Variants in ADGRD2 observed in about 807,000 individuals in gnomAD.
ADGRD2 encodes the protein G protein-coupled receptor PGR24.
A neutral mutation model predicts 44.4 loss-of-function variants in ADGRD2; 71 were observed. The ratio of observed to expected loss-of-function variants is 1.60; its 90% CI spans 1.32 to 1.95. ADGRD2 has a LOEUF of 1.95. Ranked by LOEUF, ADGRD2 falls within the 30% of genes most tolerant of loss-of-function variation. The pLI, the probability that ADGRD2 is intolerant of heterozygous loss-of-function variation, is 0.00. For synonymous variants in ADGRD2, 481 were observed against 224.8 expected (o/e 2.14, Z -10.19); for missense variants, 1,039 against 512.4 (o/e 2.03, Z -9.92).
In ADGRD2 at chr9:124,475,478, C is replaced by A; in HGVS notation, c.2793C>A (p.Cys931Ter). 1 of 714,038 alleles carries A rather than the reference C, an allele frequency of 1.4e-6. No individual in the cohort carries two copies. Among genetic ancestry groups the A allele is most frequent in the South Asian group, 1.5e-5 (1 of 66,986 alleles). The allele number at this position is 714,038 out of a possible 1,614,324, so 44.2% of individuals were successfully genotyped here. ...ACATCTTCCTGGTTTATGCTGCCTG[C>A]AATGAGGAGGTGAGTCTGGGGGTGC... Residue 931 changes from cysteine to a stop codon, truncating the protein, a stop_gained, in exon 18 of 22, where the codon TGC becomes TGA. Transcript: ENST00000334810. LOFTEE classifies it high-confidence loss of function.
intron 8 of ADGRD2, 67 bp downstream of exon 11, chr9:124,457,673 C>A: frequency 1.8e-6 from 1 of 547,608 alleles, no homozygotes; most frequent in South Asian, 2.7e-5. Flanking sequence ...CTCTAACTGT[C>A]GCTAGCTGTG....
At position 124,469,156 on chromosome 9, in the gene ADGRD2, G is replaced by A. The variant is rs1831891451; in HGVS notation, c.2388-66G>A. ...GGGGACAGCTGCGGCTTGGGGGGCGGATCCTGGGTCCTGGAGAGGAAAAAG... is the reference window on the plus strand; with the variant it reads ...GGGGACAGCTGCGGCTTGGGGGGCGAATCCTGGGTCCTGGAGAGGAAAAAG... On this transcript the variant is annotated intron_variant, in intron 14 of 21. Transcript: ENST00000334810. The A allele has an allele frequency of 1.1e-5, 7 of 660,620 alleles. No homozygotes were observed. The South Asian group carries it at 1.2e-4, about 11-fold the overall frequency. 40.9% of individuals were successfully genotyped at this position (660,620 alleles called of 1,614,324 possible). A position where few individuals can be genotyped will look rare whatever the true frequency, so the allele number is the denominator to read the frequency against.
chr9:124,453,776 T>C (rs918015150), intron 3 of ADGRD2, 100 bp downstream of exon 6: 19 of 620,164 alleles, frequency 3.1e-5, no homozygotes, highest in Non-Finnish European at 5.4e-5. Flanking sequence ...CACGCCTAGC[T>C]CTGGCCACGC....
At position 124,461,146 on chromosome 9, in the gene ADGRD2, T is replaced by C. The variant is rs531775588; in HGVS notation, c.1870+2425T>C. On this transcript the variant is annotated intron_variant, in intron 10 of 21. Transcript: ENST00000334810. ...AATCTTTTCCCCAATTTTTAAATTA[T>C]TTATTTTATTATTGAGTTGTAAGAA... is the stretch of plus-strand genomic sequence containing the variant. 2.6e-5 allele frequency among the ~76,000 whole-genome samples: 4 copies of C among 152,360 alleles called. No individual in the cohort carries two copies. The South Asian group carries it at 6.2e-4, about 24-fold the overall frequency.
At chr9:124,458,368 A>G in intron 9 of ADGRD2, 132 bp downstream of exon 12, 1 of 630,364 alleles carries the variant, frequency 1.6e-6, no homozygotes, top group Non-Finnish European at 2.9e-6. Flanking sequence ...TGCCCAACAC[A>G]CACACACTTC....
exon 3 of ADGRD2, chr9:124,453,503 G>T: frequency 1.4e-6 from 1 of 701,940 alleles, no homozygotes. Context: ...CACGCCCTCA[G>T]CGGCAACCTC....
chr9:124,477,007 T>C (rs1200851860), intron 21 of ADGRD2: 2 of 649,450 alleles, frequency 3.1e-6, no homozygotes, highest in Non-Finnish European at 5.9e-6. Flanking sequence ...AGGGGGGCGC[T>C]GCCAAGGAGC....
intron 20 of ADGRD2, 31 bp from the exon 24 acceptor site, chr9:124,476,648 G>A: frequency 2.9e-6 from 2 of 698,954 alleles, no homozygotes; most frequent in Non-Finnish European, 5.2e-6. Flanking sequence ...AGGAGTGGGG[G>A]CCACCCCCGT....
intron 17 of ADGRD2, among the ~76,000 whole-genome samples, chr9:124,475,150 A>G (rs1443697753): frequency 1.3e-5 from 2 of 152,206 alleles, no homozygotes; most frequent in Non-Finnish European, 2.9e-5. Flanking sequence ...TGAGGATGGG[A>G]CAGGCCCAGC....
At chr9:124,473,101 GTCTC>G (rs763821761) in intron 17 of ADGRD2, among the ~76,000 whole-genome samples, 5 of 152,116 alleles carry the variant, frequency 3.3e-5, no homozygotes, top group Non-Finnish European at 5.9e-5. Flanking sequence ...GTCCACCAAG[GTCTC>G]TCTGTGTTTT....
chr9:124,475,647 C>T (rs1467377545), intron 19 of ADGRD2, 32 bp downstream of exon 22: 6 of 416,822 alleles, frequency 1.4e-5, no homozygotes, highest in Non-Finnish European at 2.3e-5. Context: ...TGGGTGGGGG[C>T]GGGAGGCCCC....
chr9:124,464,985 A>T (rs895959532), intron 10 of ADGRD2, among the ~76,000 whole-genome samples: 2 of 152,172 alleles, frequency 1.3e-5, no homozygotes, highest in Non-Finnish European at 2.9e-5. Flanking sequence ...TGTCCCAAGG[A>T]GAGGAGAGGC....
At chr9:124,459,622 A>T (rs1456212048) in intron 10 of ADGRD2, among the ~76,000 whole-genome samples, 1 of 152,176 alleles carries the variant, frequency 6.6e-6, no homozygotes. Context: ...GAACATCTAT[A>T]GACTTTTATT....
rs1399340163 is a variant in ADGRD2, at chr9:124,453,059, T to C, written c.308T>C (p.Val103Ala). The C allele has an allele frequency of 1.9e-5, 13 of 676,356 alleles. No individual in the cohort carries two copies. In the South Asian group the frequency reaches 2.1e-4, roughly 11 times the overall value. 41.9% of individuals were successfully genotyped at this position (676,356 alleles called of 1,614,324 possible). A position where few individuals can be genotyped will look rare whatever the true frequency, so the allele number is the denominator to read the frequency against. Residue 103 changes from valine to alanine, a missense_variant, in exon 3 of 22, where the codon GTG (valine) becomes GCG (alanine). Physicochemically the swap from Val to Ala is moderately conservative, Grantham distance 64. Coordinates refer to ENST00000334810, the Ensembl canonical transcript of ADGRD2. ...GGTGCGCGCACCACCGCCGTGCTGGTGTTCGACGAGAGGACGGCTGACCGG... is the reference window on the plus strand; with the variant it reads ...GGTGCGCGCACCACCGCCGTGCTGGCGTTCGACGAGAGGACGGCTGACCGG...
intron 13 of ADGRD2, 31 bp downstream of exon 16, chr9:124,468,221 G>C (rs1476128905): frequency 1.4e-6 from 1 of 717,796 alleles, no homozygotes; most frequent in Admixed American, 2.0e-5. Flanking sequence ...CTGGAAGCCC[G>C]GGGAAGCCTG....
chr9:124,453,588 A>C (rs1473700594), exon 3 of ADGRD2: 3 of 700,254 alleles, frequency 4.3e-6, no homozygotes, highest in Non-Finnish European at 7.8e-6. Flanking sequence ...CGCCGCCCTC[A>C]GAGGGCCTGC....
At chr9:124,455,590 A>T (rs1398505952) in intron 6 of ADGRD2, among the ~76,000 whole-genome samples, 1 of 26,898 alleles carries the variant, frequency 3.7e-5, no homozygotes, top group Non-Finnish European at 9.1e-5. Flanking sequence ...ACTCTGTCTC[A>T]AAAAAAAAAA....
intron 1 of ADGRD2, 26 bp from the exon 5 acceptor site, chr9:124,452,484 C>T (rs765848382): frequency 2.8e-5 from 20 of 718,210 alleles, no homozygotes; most frequent in South Asian, 1.0e-4. Flanking sequence ...AAATGCACCC[C>T]CCACCGTCTC....
At position 124,458,608 on chromosome 9, in the gene ADGRD2, T is replaced by C. The variant is rs1399376556; in HGVS notation, c.1765-8T>C. ...AGCCACCCTTGAAAGCTCCCATTCTTCCCACAGGTTCCTAAGCACCCAGGT... is the reference window on the plus strand; with the variant it reads ...AGCCACCCTTGAAAGCTCCCATTCTCCCCACAGGTTCCTAAGCACCCAGGT... On this transcript the variant is annotated splice_polypyrimidine_tract_variant and splice_region_variant and intron_variant, in intron 9 of 21. Coordinates refer to ENST00000334810, the Ensembl canonical transcript of ADGRD2. 2.8e-6 allele frequency: 2 copies of C among 718,404 alleles called. No individual in the cohort carries two copies. Among genetic ancestry groups the C allele is most frequent in the Non-Finnish European group, 5.2e-6 (2 of 384,894 alleles). 44.5% of individuals were successfully genotyped at this position (718,404 alleles called of 1,614,324 possible).
Sources: gnomAD v4.1 joint callset for allele counts (sites outside exome capture counted in the v4.1 genomes callset) on GRCh38, gnomAD v4.1.1 for gene constraint, MANE v1.5 for transcripts, NCBI Gene and HGNC (gene_info 2026-07-23, HGNC 2026-07-21) for gene names.